PER3: variants seen among roughly 807,000 people sequenced by gnomAD.
The protein encoded by PER3 is period circadian regulator 3.
A neutral mutation model predicts 127.2 loss-of-function variants in PER3; 107 were observed. That is an observed-to-expected ratio of 0.84 (90% CI 0.72 to 0.99). PER3 has a LOEUF of 0.99. Among genes scored for constraint, PER3 ranks in the 50% least tolerant of loss-of-function variants. The probability of loss-of-function intolerance (pLI) is 0.00; values close to 1 mark genes in which losing one functional copy is unlikely to be tolerated. For missense variants in PER3, 1,560 were observed against 1,525.8 expected, an observed-to-expected ratio of 1.02 and a Z score of -0.37; for synonymous variants, 618 against 585.8, an observed-to-expected ratio of 1.05 and a Z score of -0.79.
chr1:7,819,069 C>A (rs1179343422), intron 13 of PER3, among the ~76,000 whole-genome samples: 4 of 152,156 alleles, frequency 2.6e-5, no homozygotes, highest in Non-Finnish European at 5.9e-5. Flanking sequence ...CGTAGCCATT[C>A]TATGTGTAAT....
At chr1:7,837,296 C>T in intron 21 of PER3, 147 bp downstream of exon 21, 1 of 588,784 alleles carries the variant, frequency 1.7e-6, no homozygotes, top group Middle Eastern at 4.7e-4. Flanking sequence ...CCCTCTTTAC[C>T]AATAAGCAAC....
chr1:7,810,281 A>T, intron 12 of PER3, 157 bp from the exon 13 acceptor site: 1 of 638,640 alleles, frequency 1.6e-6, no homozygotes. Flanking sequence ...TGGTACCAGT[A>T]TACTGTGGCA....
At chr1:7,788,009 C>A in intron 4 of PER3, 36 bp from the exon 5 acceptor site, 1 of 1,428,424 alleles carries the variant, frequency 7.0e-7, no homozygotes, top group Non-Finnish European at 9.9e-7. Context: ...TAGTGAGTAT[C>A]TCAATATTTG....
chr1:7,822,349 G>A (rs1269029145), intron 16 of PER3, among the ~76,000 whole-genome samples: 4 of 151,732 alleles, frequency 2.6e-5, no homozygotes, highest in Admixed American at 6.6e-5. Context: ...TCCACCTCCC[G>A]GATTCAAGCG....
At chr1:7,828,140 T>C in intron 18 of PER3, among the ~76,000 whole-genome samples, 1 of 152,248 alleles carries the variant, frequency 6.6e-6, no homozygotes, top group Admixed American at 6.5e-5. Flanking sequence ...TAAGTGTTCA[T>C]TGCCTATAAC....
intron 4 of PER3, chr1:7,787,628 A>T: frequency 3.4e-6 from 1 of 296,036 alleles, no homozygotes; most frequent in Non-Finnish European, 6.6e-6. Flanking sequence ...AATGGAAAAA[A>T]TTAGAGCAGT....
intron 6 of PER3, among the ~76,000 whole-genome samples, chr1:7,795,733 T>C (rs2097142469): frequency 6.6e-6 from 1 of 152,220 alleles, no homozygotes; most frequent in Admixed American, 6.5e-5. Flanking sequence ...TTTATTTCAG[T>C]TTATCACTTG....
chr1:7,837,030 G>A lies in PER3; in HGVS notation c.3430G>A (p.Glu1144Lys). Reference protein sequence around the residue: ...VKEVVLKEDLEKLESMRQQQP... With the variant: ...VKEVVLKEDLKKLESMRQQQP... ...AGAAGTTGTACTAAAAGAAGACCTG[G>A]AAAAGCTAGAAAGTATGAGGCAGCA... Residue 1144 changes from glutamate to lysine, a missense_variant, in exon 21 of 22, where the codon GAA (glutamate) becomes AAA (lysine). By Grantham distance (56) the Glu-to-Lys change is moderately conservative (BLOSUM62 1). Transcript: ENST00000377532. The A allele has an allele frequency of 6.2e-7, 1 of 1,613,816 alleles. No homozygotes were observed. The highest frequency in any genetic ancestry group is 8.5e-7 in the Non-Finnish European group (1 of 1,179,888).
chr1:7,834,065 G>T (rs556869440), intron 19 of PER3, among the ~76,000 whole-genome samples: 113 of 152,252 alleles, frequency 7.4e-4, no homozygotes, highest in Non-Finnish European at 1.3e-3. Context: ...TGGTACTACA[G>T]GCGTGCACCA....
At chr1:7,807,482 T>A (rs1346836263) in intron 10 of PER3, among the ~76,000 whole-genome samples, 1 of 152,204 alleles carries the variant, frequency 6.6e-6, no homozygotes, top group Non-Finnish European at 1.5e-5. Context: ...TTTAGGTAAC[T>A]GAGCTGCATG....
At chr1:7,806,836 T>TATATATATATATA (rs1401946539) in intron 10 of PER3, among the ~76,000 whole-genome samples, 3 of 133,126 alleles carry the variant, frequency 2.3e-5, no homozygotes, top group Admixed American at 9.2e-5. Context: ...TATATATATA[T>TATATATATATATA]TACATACACA....
intron 13 of PER3, among the ~76,000 whole-genome samples, chr1:7,813,909 A>G (rs2097233506): frequency 6.6e-6 from 1 of 152,184 alleles, no homozygotes; most frequent in Non-Finnish European, 1.5e-5. Context: ...GGGAAAGTAA[A>G]ATAATTATGA....
chr1:7,803,007 C>G (rs372915235), intron 8 of PER3, 40 bp from the exon 9 acceptor site: 16 of 1,019,936 alleles, frequency 1.6e-5, no homozygotes, highest in Non-Finnish European at 4.7e-6. Context: ...TAAGAATTAC[C>G]TGATGAGTAT....
intron 21 of PER3, 117 bp downstream of exon 21, chr1:7,837,266 C>A: frequency 1.4e-6 from 1 of 729,752 alleles, no homozygotes; most frequent in Non-Finnish European, 2.2e-6. Context: ...CAGTTTACCT[C>A]TATGGTAGGT....
intron 5 of PER3, among the ~76,000 whole-genome samples, chr1:7,789,140 A>AATATATATATATAT (rs59535110): frequency 0.056 from 7,447 of 132,804 alleles, 252 homozygotes; most frequent in Non-Finnish European, 0.082. Context: ...AGAGCTTTAA[A>AATATATATATATAT]ATATATATAT....
At chr1:7,800,788 C>T (rs996718612) in intron 7 of PER3, among the ~76,000 whole-genome samples, 15 of 147,812 alleles carry the variant, frequency 1.0e-4, no homozygotes, top group Non-Finnish European at 1.0e-4. Flanking sequence ...GATCATGCCA[C>T]TGCACTCCAA....
At chr1:7,800,818 C>G in intron 7 of PER3, among the ~76,000 whole-genome samples, 1 of 79,092 alleles carries the variant, frequency 1.3e-5, no homozygotes. Flanking sequence ...TAGAGCAAGA[C>G]TCTGTCTCCA....
At chr1:7,790,297 G>T (rs2097113268) in intron 5 of PER3, among the ~76,000 whole-genome samples, 1 of 152,192 alleles carries the variant, frequency 6.6e-6, no homozygotes, top group African/African-American at 2.4e-5. Context: ...TACAATCATG[G>T]CAGAAGGGGA....
At chr1:7,839,637 CCTTA>C (rs1296967224) in intron 21 of PER3, among the ~76,000 whole-genome samples, 1 of 152,248 alleles carries the variant, frequency 6.6e-6, no homozygotes, top group East Asian at 1.9e-4. Flanking sequence ...TTCACTTCTC[CCTTA>C]CTTTTGGCCA....
Sources: gnomAD v4.1 joint callset for allele counts (sites outside exome capture counted in the v4.1 genomes callset) on GRCh38, gnomAD v4.1.1 for gene constraint, MANE v1.5 for transcripts, NCBI Gene and HGNC (gene_info 2026-07-23, HGNC 2026-07-21) for gene names.